The following STXBP6 variants were observed in gnomAD, a reference collection of about 807,000 sequenced individuals.
STXBP6 encodes the protein syntaxin binding protein 6.
A neutral mutation model predicts 26.9 loss-of-function variants in STXBP6; 21 were observed. The ratio of observed to expected loss-of-function variants is 0.78; its 90% CI spans 0.55 to 1.12. STXBP6 has a LOEUF of 1.12. Ranked by LOEUF, STXBP6 falls within the 50% of genes most tolerant of loss-of-function variation. The probability of loss-of-function intolerance (pLI) is 0.00; values close to 1 mark genes in which losing one functional copy is unlikely to be tolerated. For missense variants in STXBP6, 232 were observed against 257.9 expected (o/e 0.90, Z 0.69); for synonymous variants, 97 against 92.6 (o/e 1.05, Z -0.27).
At chr14:24,880,285 C>T (rs1192397786) in intron 2 of STXBP6, among the ~76,000 whole-genome samples, 6 of 152,102 alleles carry the variant, frequency 3.9e-5, no homozygotes, top group Admixed American at 3.9e-4. Context: ...AAAAACAAAA[C>T]AAAACAAAAC....
chr14:24,879,474 T>C (rs1002419272), intron 2 of STXBP6, among the ~76,000 whole-genome samples: 1 of 152,200 alleles, frequency 6.6e-6, no homozygotes, highest in African/African-American at 2.4e-5. Context: ...TCCTCCCTGC[T>C]CCAGGCTGAC....
intron 2 of STXBP6, among the ~76,000 whole-genome samples, chr14:24,883,787 T>C (rs2139454776): frequency 6.6e-6 from 1 of 152,344 alleles, no homozygotes; most frequent in East Asian, 1.9e-4. Context: ...TTCTATAGTG[T>C]TTAATCCCCC....
chr14:24,824,906 T>C (rs2068238086), intron 4 of STXBP6, among the ~76,000 whole-genome samples: 1 of 152,196 alleles, frequency 6.6e-6, no homozygotes, highest in Admixed American at 6.5e-5. Flanking sequence ...GGAGGTGAAG[T>C]AGCTTACGCA....
intron 1 of STXBP6, among the ~76,000 whole-genome samples, chr14:24,998,300 T>C (rs2074659511): frequency 6.6e-6 from 1 of 152,192 alleles, no homozygotes; most frequent in Admixed American, 6.5e-5. Flanking sequence ...GAAGGGGTTA[T>C]TTTAAGCAAA....
At chr14:24,893,611 A>G (rs1230488786) in intron 2 of STXBP6, among the ~76,000 whole-genome samples, 1 of 152,240 alleles carries the variant, frequency 6.6e-6, no homozygotes, top group Non-Finnish European at 1.5e-5. Context: ...GTGACTTCCA[A>G]TTATGACTAA....
chr14:24,848,535 G>A (rs1324704791), intron 4 of STXBP6, among the ~76,000 whole-genome samples: 1 of 152,076 alleles, frequency 6.6e-6, no homozygotes. Flanking sequence ...GTACCTTTAC[G>A]TAAGTCTTGG....
At chr14:24,853,424 A>G in intron 4 of STXBP6, among the ~76,000 whole-genome samples, 1 of 152,176 alleles carries the variant, frequency 6.6e-6, no homozygotes, top group East Asian at 1.9e-4. Context: ...ACAAATTACT[A>G]CATGCTTAAT....
intron 2 of STXBP6, among the ~76,000 whole-genome samples, chr14:24,885,845 T>C (rs2139475459): frequency 6.6e-6 from 1 of 152,306 alleles, no homozygotes; most frequent in East Asian, 1.9e-4. Flanking sequence ...AACAGAAAAT[T>C]TACTACTGCT....
At chr14:24,839,791 C>T (rs573860921) in intron 4 of STXBP6, among the ~76,000 whole-genome samples, 2 of 152,186 alleles carry the variant, frequency 1.3e-5, no homozygotes, top group Non-Finnish European at 2.9e-5. Flanking sequence ...TGAGGGTCAG[C>T]TAAATAATTT....
intron 1 of STXBP6, among the ~76,000 whole-genome samples, chr14:24,995,515 A>T (rs977966730): frequency 2.2e-4 from 34 of 152,156 alleles, no homozygotes; most frequent in Non-Finnish European, 2.5e-4. Flanking sequence ...ATACTTCTTA[A>T]AGAAGGTGGG....
intron 4 of STXBP6, among the ~76,000 whole-genome samples, chr14:24,832,949 T>C (rs2068500399): frequency 6.6e-6 from 1 of 152,244 alleles, no homozygotes; most frequent in African/African-American, 2.4e-5. Context: ...TGGCTACTCT[T>C]TAAGATAGAT....
At chr14:24,999,179 G>A (rs764000407) in intron 1 of STXBP6, among the ~76,000 whole-genome samples, 2 of 152,034 alleles carry the variant, frequency 1.3e-5, no homozygotes, top group African/African-American at 2.4e-5. Flanking sequence ...CATAAGTCAG[G>A]GATTGTCTGT....
chr14:24,917,374 GA>G (rs2071805075), intron 2 of STXBP6, among the ~76,000 whole-genome samples: 1 of 152,070 alleles, frequency 6.6e-6, no homozygotes, highest in African/African-American at 2.4e-5. Context: ...ACTCATTGAA[GA>G]GACGGTGAGA....
intron 4 of STXBP6, among the ~76,000 whole-genome samples, chr14:24,847,206 A>T (rs1316553785): frequency 6.6e-6 from 1 of 152,152 alleles, no homozygotes; most frequent in African/African-American, 2.4e-5. Context: ...GTTCTTGAGA[A>T]TTTACAGCTT....
At chr14:24,950,446 T>C (rs2073125839) in intron 2 of STXBP6, among the ~76,000 whole-genome samples, 1 of 152,142 alleles carries the variant, frequency 6.6e-6, no homozygotes, top group South Asian at 2.1e-4. Context: ...CAATGAACAA[T>C]AGAATAAAAT....
At chr14:24,932,749 T>C (rs979743001) in intron 2 of STXBP6, among the ~76,000 whole-genome samples, 1 of 152,116 alleles carries the variant, frequency 6.6e-6, no homozygotes, top group Non-Finnish European at 1.5e-5. Context: ...TCTTGCTGGC[T>C]GATTAGATGT....
At position 24,974,833 on chromosome 14, in the gene STXBP6, G is replaced by T; in HGVS notation, c.-15C>A. 1 of 1,582,226 alleles carries T rather than the reference G, an allele frequency of 6.3e-7. No homozygotes were observed. Among genetic ancestry groups the T allele is most frequent in the Non-Finnish European group, 8.6e-7 (1 of 1,161,386 alleles). On this transcript the variant is annotated 5_prime_UTR_variant, in exon 2 of 6. Transcript: ENST00000323944. Reference sequence around the variant, plus strand: ...TTGGCACTCATTGTAGAACAAGTGAGGACAGCACGCAGTGAATCTTTTAAA... The same window carrying T: ...TTGGCACTCATTGTAGAACAAGTGATGACAGCACGCAGTGAATCTTTTAAA...
intron 2 of STXBP6, among the ~76,000 whole-genome samples, chr14:24,857,585 C>T (rs2069383812): frequency 6.6e-6 from 1 of 151,978 alleles, no homozygotes; most frequent in African/African-American, 2.4e-5. Flanking sequence ...ATTGGCTCCC[C>T]TAGAGAACTG....
At chr14:24,841,257 A>T (rs1237547263) in intron 4 of STXBP6, among the ~76,000 whole-genome samples, 1 of 152,168 alleles carries the variant, frequency 6.6e-6, no homozygotes, top group Non-Finnish European at 1.5e-5. Flanking sequence ...TTATTTCTGG[A>T]ACTTTGAAGA....
Sources: gnomAD v4.1 joint callset for allele counts (sites outside exome capture counted in the v4.1 genomes callset) on GRCh38, gnomAD v4.1.1 for gene constraint, MANE v1.5 for transcripts, NCBI Gene and HGNC (gene_info 2026-07-23, HGNC 2026-07-21) for gene names.